The following TBC1D24 variants were observed in gnomAD, a reference collection of about 807,000 sequenced individuals.
TBC1D24 encodes TBC1 domain family member 24.
A neutral mutation model predicts 50.7 loss-of-function variants in TBC1D24; 47 were observed. That is an observed-to-expected ratio of 0.93 (90% CI 0.73 to 1.18). TBC1D24 has a LOEUF of 1.18. Among genes scored for constraint, TBC1D24 ranks in the 50% most tolerant of loss-of-function variants. TBC1D24 has a pLI of 0.00. For missense variants in TBC1D24, 688 were observed against 766.5 expected (o/e 0.90, Z 1.21); for synonymous variants, 324 against 335.2 (o/e 0.97, Z 0.36).
At chr16:2,492,840 C>G (rs1476389639) in intron 1 of TBC1D24, among the ~76,000 whole-genome samples, 1 of 152,178 alleles carries the variant, frequency 6.6e-6, no homozygotes, top group Non-Finnish European at 1.5e-5. Context: ...CGCTTCTAAT[C>G]TCAGCACTTT....
At chr16:2,495,002 T>TCACACACACACACACACA (rs527454795) in intron 1 of TBC1D24, among the ~76,000 whole-genome samples, 1 of 137,976 alleles carries the variant, frequency 7.2e-6, no homozygotes, top group African/African-American at 2.7e-5. Flanking sequence ...CAAGACCCCA[T>TCACACACACACACACACA]CACACACACA....
chr16:2,485,999 G>A lies in TBC1D24; in HGVS notation c.-115-10035G>A, dbSNP rs1048249321. Among the ~76,000 whole-genome samples, 2 of 152,168 alleles carry A rather than the reference G, an allele frequency of 1.3e-5. No homozygotes were observed. Among genetic ancestry groups the A allele is most frequent in the African/African-American group, 2.4e-5 (1 of 41,434 alleles). ...CAAAGCTCTCATCCCTGGATCTTGC[G>A]GATCTCGCGCCCGGGCTGGAATGCC... On this transcript the variant is annotated intron_variant, in intron 1 of 7. Transcript: ENST00000646147. This position sits in a 1 kb window ranked among gnomAD's most constrained non-coding sequence, Gnocchi z 4.6.
chr16:2,490,871 G>C (rs1407288679), intron 1 of TBC1D24, among the ~76,000 whole-genome samples: 1 of 152,220 alleles, frequency 6.6e-6, no homozygotes, highest in African/African-American at 2.4e-5. Flanking sequence ...CTGCACCTTT[G>C]TCAGGGGTTG....
rs1162185369 is a variant in TBC1D24 at position 2,496,561 on chromosome 16, T to C, written c.413T>C (p.Val138Ala). 6.2e-6 allele frequency: 10 copies of C among 1,608,738 alleles called. No homozygotes were observed. Among genetic ancestry groups the C allele is most frequent in the Non-Finnish European group, 8.5e-6 (10 of 1,179,990 alleles). Residue 138 changes from valine (V) to alanine (A), a missense_variant, in exon 2 of 8, where the codon GTG becomes GCG. Physicochemically the swap from Val to Ala is moderately conservative, Grantham distance 64. Transcript: ENST00000646147. The stretch of plus-strand genomic sequence containing the variant: ...TTCTGCCCCGCCCTGCCGGCCGTGG[T>C]GGCCCTGCTGCTGCACTACAGCATC... ...ISFCPALPAV[V>A]ALLLHYSIDE...
chr16:2,495,972 T>C, intron 1 of TBC1D24, 62 bp from the exon 2 acceptor site: 6 of 813,810 alleles, frequency 7.4e-6, no homozygotes, highest in South Asian at 3.6e-5. Flanking sequence ...TTTGAAAAAA[T>C]ACGTTCTTTA....
Position 2,500,375 on chromosome 16 carries a change from C to T in TBC1D24, c.1410C>T (p.Ser470=), listed in dbSNP as rs553497128. 4.7e-5 allele frequency: 75 copies of T among 1,607,608 alleles called. No homozygotes were observed. The East Asian group carries it at 6.1e-4, about 13-fold the overall frequency. Residue 470 remains serine (S), a synonymous_variant, in exon 7 of 8, where the codon TCC becomes TCT. Coordinates refer to ENST00000646147, the MANE Select transcript of TBC1D24 (RefSeq NM_001199107.2). The surrounding 1 kb of genome is among the most constrained non-coding windows in gnomAD (Gnocchi z 8.0). ...AGCCCACCGCCCCACTCAGCCACTC[C>T]GCCTCCTCAGACCCCGCTGACCGCC... ...AAEPTAPLSH[S]ASSDPADRLS...
At chr16:2,490,843 C>T (rs908140264) in intron 1 of TBC1D24, among the ~76,000 whole-genome samples, 10 of 152,350 alleles carry the variant, frequency 6.6e-5, no homozygotes, top group Admixed American at 2.0e-4. Flanking sequence ...ACTCCCTCCC[C>T]GGCCACCGCC....
chr16:2,492,301 T>C (rs996998733), intron 1 of TBC1D24, among the ~76,000 whole-genome samples: 1 of 151,708 alleles, frequency 6.6e-6, no homozygotes, highest in Non-Finnish European at 1.5e-5. Context: ...TCCCTGTGAG[T>C]CCAGCACGTC....
chr16:2,495,926 A>G, intron 1 of TBC1D24, 108 bp from the exon 2 acceptor site: 1 of 575,374 alleles, frequency 1.7e-6, no homozygotes, highest in Non-Finnish European at 3.0e-6. Context: ...CAACAGAGCG[A>G]GACCCTGTCT....
At chr16:2,481,968 T>A (rs2065613661) in intron 1 of TBC1D24, 1 of 152,278 alleles carries the variant, frequency 6.6e-6, no homozygotes, top group African/African-American at 2.4e-5. Flanking sequence ...AGTTCCCCAG[T>A]CAGCAGCTAC....
In TBC1D24 at chr16:2,496,024, A is replaced by T; in HGVS notation, c.-115-10A>T. On this transcript the variant is annotated splice_polypyrimidine_tract_variant and intron_variant, in intron 1 of 7. Coordinates refer to ENST00000646147, the MANE Select transcript of TBC1D24 (RefSeq NM_001199107.2). Reference sequence around the variant, plus strand: ...ACACAGATGCTAAAAGTGTTTTTTTAATCCTGCAGGGTGTGAGATGGCAGA... The same window carrying T: ...ACACAGATGCTAAAAGTGTTTTTTTTATCCTGCAGGGTGTGAGATGGCAGA... The T allele has an allele frequency of 1.6e-6, 2 of 1,238,698 alleles. No homozygotes were observed. Among genetic ancestry groups the T allele is most frequent in the Non-Finnish European group, 2.3e-6 (2 of 877,342 alleles). The allele number at this position is 1,238,698 out of a possible 1,614,324, so 76.7% of individuals were successfully genotyped here.
At position 2,483,878 on chromosome 16, in the gene TBC1D24, G is replaced by C. The variant is rs1596956533; in HGVS notation, c.-116+8708G>C. On this transcript the variant is annotated intron_variant, in intron 1 of 7. Coordinates refer to ENST00000646147, the MANE Select transcript of TBC1D24 (RefSeq NM_001199107.2). The surrounding 1 kb of genome is among the most constrained non-coding windows in gnomAD (Gnocchi z 4.0). ...GCCGGGGGTAAAAGGCAGATAGCAA[G>C]GTAAGGAGGTGTGGGGGAAGACCAG... 1 of 152,818 alleles carries C rather than the reference G, an allele frequency of 6.5e-6. No individual in the cohort carries two copies. The highest frequency in any genetic ancestry group is 2.1e-4 in the South Asian group (1 of 4,872). The allele number at this position is 152,818 out of a possible 1,614,324, so 9.5% of individuals were successfully genotyped here. A position where few individuals can be genotyped will look rare whatever the true frequency, so the allele number is the denominator to read the frequency against.
rs1475324174 is a variant in TBC1D24, at chr16:2,502,440, AGTGCCACTTGGAGTCCCCTGCACC to A, written c.*1492_*1515del. The A allele has an allele frequency of 7.1e-6, 1 of 140,094 alleles. No homozygotes were observed. Among genetic ancestry groups the A allele is most frequent in the Non-Finnish European group, 1.5e-5 (1 of 64,614 alleles). The allele number at this position is 140,094 out of a possible 1,614,324, so 8.7% of individuals were successfully genotyped here. A position where few individuals can be genotyped will look rare whatever the true frequency, so the allele number is the denominator to read the frequency against. ...CCCCCGTCCCTGCTGGCCTCCAGCC[AGTGCCACTTGGAGTCCCCTGCACC>A]GTGCCACTTTCCATCCCCACACCAT... On this transcript the variant is annotated 3_prime_UTR_variant, in exon 8 of 8. Coordinates refer to ENST00000646147, the MANE Select transcript of TBC1D24 (RefSeq NM_001199107.2).
chr16:2,495,775 T>G (rs1459654221), intron 1 of TBC1D24, among the ~76,000 whole-genome samples: 1 of 151,012 alleles, frequency 6.6e-6, no homozygotes, highest in African/African-American at 2.4e-5. Context: ...TGAGACTCCA[T>G]CTCAAAAAAA....
rs770847294 is a variant in TBC1D24 at position 2,496,651 on chromosome 16, T to C, written c.503T>C (p.Leu168Pro). The C allele has an allele frequency of 2.2e-5, 36 of 1,612,664 alleles. No individual in the cohort carries two copies. The highest frequency in any genetic ancestry group is 2.5e-5 in the Non-Finnish European group (29 of 1,180,036). ...GCCTGCAATGACCCCGGCAGGAGGCTGATCGACCAGAGCTTCCTGGCCTTT... is the reference window on the plus strand; with the variant it reads ...GCCTGCAATGACCCCGGCAGGAGGCCGATCGACCAGAGCTTCCTGGCCTTT... ...ILACNDPGRR[L>P]IDQSFLAFES... Residue 168 changes from leucine to proline, a missense_variant, in exon 2 of 8, where the codon CTG becomes CCG. Leu to Pro is a moderately conservative substitution (Grantham distance 98). Transcript: ENST00000646147.
In TBC1D24 at chr16:2,499,971, T is replaced by C. The variant is rs370235069; in HGVS notation, c.1302+41T>C. The C allele has an allele frequency of 3.8e-6, 6 of 1,572,966 alleles. No homozygotes were observed. The highest frequency in any genetic ancestry group is 1.4e-5 in the African/African-American group (1 of 73,744). ...TGTCCCCAAACCCCCACGCAGACCC[T>C]GTAGCTGCATCCCTCCAGGAGCACC... On this transcript the variant is annotated intron_variant, in intron 6 of 7. Transcript: ENST00000646147. The surrounding 1 kb of genome is among the most constrained non-coding windows in gnomAD (Gnocchi z 4.0).
chr16:2,498,879 G>C (rs2065766950), intron 4 of TBC1D24, among the ~76,000 whole-genome samples: 1 of 152,224 alleles, frequency 6.6e-6, no homozygotes, highest in South Asian at 2.1e-4. Flanking sequence ...GGCAGGCAGA[G>C]CTGGTCCAGC....
chr16:2,494,100 C>T (rs1266354241), intron 1 of TBC1D24, among the ~76,000 whole-genome samples: 5 of 152,006 alleles, frequency 3.3e-5, no homozygotes, highest in African/African-American at 1.2e-4. Flanking sequence ...ACTTTCTTAG[C>T]ACACACAGCT....
At position 2,496,832 on chromosome 16, in the gene TBC1D24, C is replaced by G; in HGVS notation, c.684C>G (p.Val228=). ...TGCCCCTCTGCTACTTCGCCCGGGTCTTTGACGTCTTCCTGGTGGAGGGCT... is the reference window on the plus strand; with the variant it reads ...TGCCCCTCTGCTACTTCGCCCGGGTGTTTGACGTCTTCCTGGTGGAGGGCT... ...GELPLCYFAR[V]FDVFLVEGYK... Residue 228 remains valine, a synonymous_variant, in exon 2 of 8, where the codon GTC becomes GTG. Transcript: ENST00000646147. 1 of 1,614,118 alleles carries G rather than the reference C, an allele frequency of 6.2e-7. No individual in the cohort carries two copies. Among genetic ancestry groups the G allele is most frequent in the Non-Finnish European group, 8.5e-7 (1 of 1,180,048 alleles).
Sources: allele counts gnomAD v4.1 joint callset (sites outside exome capture counted in the v4.1 genomes callset), GRCh38; gene constraint gnomAD v4.1.1; non-coding constraint Gnocchi (gnomAD v3.1); transcripts MANE v1.5; gene names NCBI Gene and HGNC (gene_info 2026-07-23, HGNC 2026-07-21).